ITGAL: variants seen among roughly 807,000 people sequenced by gnomAD.
ITGAL encodes integrin alpha-L.
In ITGAL, 68 loss-of-function variants were observed where a neutral mutation model predicts 138.4. The observed-to-expected ratio is 0.49, with a 90% confidence interval of 0.40 to 0.60. ITGAL has a LOEUF of 0.60. Among genes scored for constraint, ITGAL ranks in the 20% least tolerant of loss-of-function variants. ITGAL has a pLI of 0.00. For missense variants in ITGAL, 1,256 were observed against 1,478.6 expected, an observed-to-expected ratio of 0.85 and a Z score of 2.47; for synonymous variants, 561 against 584.3, an observed-to-expected ratio of 0.96 and a Z score of 0.57.
intron 11 of ITGAL, 91 bp downstream of exon 11, chr16:30,489,477 A>G: frequency 7.8e-7 from 1 of 1,284,122 alleles, no homozygotes; most frequent in Middle Eastern, 1.9e-4. Flanking sequence ...GAAAGCAGTT[A>G]AGCAACCAGC....
At chr16:30,487,816 C>G (rs780464517) in intron 9 of ITGAL, among the ~76,000 whole-genome samples, 1 of 151,972 alleles carries the variant, frequency 6.6e-6, no homozygotes, top group African/African-American at 2.4e-5. Context: ...CTCCCAGCCT[C>G]GAGCAATTCT....
At chr16:30,505,996 A>ACG (rs1225143601) in intron 20 of ITGAL, among the ~76,000 whole-genome samples, 1 of 152,252 alleles carries the variant, frequency 6.6e-6, no homozygotes, top group African/African-American at 2.4e-5. Context: ...GCGGTGGCTC[A>ACG]CGCCTATAAT....
rs36056420 is a variant in ITGAL at position 30,485,786 on chromosome 16, G to A, written c.1006+1523G>A. On this transcript the variant is annotated intron_variant, in intron 9 of 30. Coordinates refer to ENST00000356798, the MANE Select transcript of ITGAL (RefSeq NM_002209.3). Reference sequence around the variant, plus strand: ...TGGCCCCAAGCAATCTGCCCACCTCGGCCTCCTAAAGTGCTAGGATTACAG... The same window carrying A: ...TGGCCCCAAGCAATCTGCCCACCTCAGCCTCCTAAAGTGCTAGGATTACAG... 3.3e-3 allele frequency among the ~76,000 whole-genome samples: 506 copies of A among 151,254 alleles called. 2 individuals carry two copies. Among genetic ancestry groups the A allele is most frequent in the African/African-American group, 0.012 (489 of 41,200 alleles).
chr16:30,516,703 C>T (rs973113206), intron 25 of ITGAL, among the ~76,000 whole-genome samples: 2 of 152,132 alleles, frequency 1.3e-5, no homozygotes, highest in Admixed American at 6.6e-5. Context: ...GGGGAGTCAG[C>T]GAAGCCTTCA....
chr16:30,494,354 T>C lies in ITGAL; in HGVS notation c.1356T>C (p.His452=), dbSNP rs1469203290. ...ACTGGAGCCAGGTCCAGACAATCCA[T>C]GGGACCCAGGTGCGCCCAGTCCGAG... The part of the protein sequence containing the change: ...GGHWSQVQTI[H]GTQIGSYFGG... Residue 452 remains histidine (H), a synonymous_variant, in exon 12 of 31, where the codon CAT becomes CAC. Coordinates refer to ENST00000356798, the MANE Select transcript of ITGAL (RefSeq NM_002209.3). This position sits in a 1 kb window ranked among gnomAD's most constrained non-coding sequence, Gnocchi z 4.2. 5.6e-6 allele frequency: 9 copies of C among 1,607,752 alleles called. No individual in the cohort carries two copies. Among genetic ancestry groups the C allele is most frequent in the Non-Finnish European group, 7.7e-6 (9 of 1,175,430 alleles).
chr16:30,514,276 A>AATTTTTT (rs1364800540), intron 25 of ITGAL, among the ~76,000 whole-genome samples: 108 of 150,492 alleles, frequency 7.2e-4, no homozygotes, highest in African/African-American at 2.3e-3. Context: ...ATGCCCAGCT[A>AATTTTTT]ATTTTTTTTT....
intron 23 of ITGAL, 42 bp downstream of exon 23, chr16:30,511,002 TG>T: frequency 1.2e-6 from 2 of 1,612,866 alleles, no homozygotes; most frequent in Non-Finnish European, 1.7e-6. Flanking sequence ...GTCTCAGACC[TG>T]GCCAAGCCCT....
chr16:30,495,315 A>G (rs2050784300), intron 13 of ITGAL, among the ~76,000 whole-genome samples: 3 of 152,042 alleles, frequency 2.0e-5, no homozygotes, highest in South Asian at 4.2e-4. Flanking sequence ...GCCTGCCGCC[A>G]CACCCAGCTA....
chr16:30,507,455 C>T (rs2051019561), intron 21 of ITGAL, among the ~76,000 whole-genome samples: 2 of 141,600 alleles, frequency 1.4e-5, no homozygotes, highest in South Asian at 4.6e-4. Context: ...GAAACTCCGT[C>T]TCAAAAAAAA....
chr16:30,475,640 GAAGAA>G, intron 4 of ITGAL, 60 bp downstream of exon 4: 1 of 1,253,684 alleles, frequency 8.0e-7, no homozygotes, highest in Non-Finnish European at 1.2e-6. Context: ...AGTAATGAGA[GAAGAA>G]AAGAAGAAGA....
intron 9 of ITGAL, among the ~76,000 whole-genome samples, chr16:30,485,388 G>A (rs2050631812): frequency 6.7e-6 from 1 of 148,850 alleles, no homozygotes; most frequent in Non-Finnish European, 1.5e-5. Flanking sequence ...CACCACGCCT[G>A]GCTAATTTTT....
intron 6 of ITGAL, chr16:30,481,143 A>ACACACACACACACAC (rs2050549087): frequency 1.4e-5 from 3 of 210,738 alleles, no homozygotes; most frequent in African/African-American, 8.4e-5. Flanking sequence ...CTCTACTAAA[A>ACACACACACACACAC]ACACACACAC....
At chr16:30,484,068 T>C (rs751195185) in intron 8 of ITGAL, 45 bp from the exon 9 acceptor site, 44 of 1,600,864 alleles carry the variant, frequency 2.7e-5, no homozygotes, top group Non-Finnish European at 3.6e-5. Context: ...CAAACTGGAC[T>C]GAGGTTTGGG....
chr16:30,498,409 G>A (rs2050836222), intron 15 of ITGAL, among the ~76,000 whole-genome samples: 1 of 152,076 alleles, frequency 6.6e-6, no homozygotes, highest in African/African-American at 2.4e-5. Context: ...TCCAGCCTGA[G>A]CAACAAAGCG....
Position 30,494,800 on chromosome 16 carries a change from T to C in ITGAL, c.1453T>C (p.Phe485Leu), listed in dbSNP as rs746768232. 14 of 1,611,934 alleles carry C rather than the reference T, an allele frequency of 8.7e-6. No individual in the cohort carries two copies. In the South Asian group the frequency reaches 1.1e-4, roughly 13 times the overall value. ...TELLLIGAPLFYGEQRGGRVF... is the reference protein window; with the variant it reads ...TELLLIGAPLLYGEQRGGRVF... ...GCTGCTGCTGATTGGTGCCCCACTG[T>C]TCTATGGGGAGCAGAGAGGAGGCCG... Residue 485 changes from phenylalanine to leucine, a missense_variant, in exon 13 of 31, where the codon TTC becomes CTC. By Grantham distance (22) the Phe-to-Leu change is conservative. This residue lies in a region of ITGAL where 867 missense variants were observed against 972.5 expected (regional missense o/e 0.89). Coordinates refer to ENST00000356798, the MANE Select transcript of ITGAL (RefSeq NM_002209.3). The surrounding 1 kb of genome is among the most constrained non-coding windows in gnomAD (Gnocchi z 4.2).
intron 4 of ITGAL, among the ~76,000 whole-genome samples, 154 bp downstream of exon 4, chr16:30,475,734 C>A (rs1262357108): frequency 3.7e-5 from 3 of 81,298 alleles, no homozygotes; most frequent in South Asian, 3.3e-4. Context: ...ATGAACCAGC[C>A]TTTTTTTTTT....
At chr16:30,500,980 G>A (rs2050887998) in intron 17 of ITGAL, among the ~76,000 whole-genome samples, 2 of 150,646 alleles carry the variant, frequency 1.3e-5, no homozygotes, top group East Asian at 2.0e-4. Flanking sequence ...CTCCAGCCTG[G>A]GCAACAAGAG....
chr16:30,489,047 G>T (rs372506890), intron 9 of ITGAL, 35 bp from the exon 10 acceptor site: 23 of 1,582,658 alleles, frequency 1.5e-5, no homozygotes, highest in African/African-American at 4.0e-5. Context: ...ATTTACTGCT[G>T]TTGGGTCTCA....
At chr16:30,499,733 A>ATATGTATATATATATATATATATT in intron 17 of ITGAL, among the ~76,000 whole-genome samples, 1 of 88,388 alleles carries the variant, frequency 1.1e-5, no homozygotes, top group African/African-American at 6.0e-5. Context: ...ATATATATAT[A>ATATGTATATATATATATATATATT]TTTTTTTTTT....
Sources: allele counts gnomAD v4.1 joint callset (sites outside exome capture counted in the v4.1 genomes callset), GRCh38; gene constraint gnomAD v4.1.1; regional missense constraint gnomAD v4.1.1; non-coding constraint Gnocchi (gnomAD v3.1); transcripts MANE v1.5; gene names NCBI Gene and HGNC (gene_info 2026-07-23, HGNC 2026-07-21).